The following MTF1 variants were observed in gnomAD, a reference collection of about 807,000 sequenced individuals.
MTF1 encodes MRE-binding transcription factor.
Under a neutral mutation model 70.4 loss-of-function variants are expected in MTF1, and 22 were observed. The observed-to-expected ratio is 0.31, with a 90% CI of 0.22 to 0.45. MTF1 has a LOEUF of 0.45. Ranked by LOEUF, MTF1 falls within the 20% of genes least tolerant of loss-of-function variation. MTF1 has a pLI of 1.00. For missense variants in MTF1, 649 were observed against 922.0 expected, an observed-to-expected ratio of 0.70 and a Z score of 3.83; for synonymous variants, 333 against 352.8, an observed-to-expected ratio of 0.94 and a Z score of 0.63.
intron 9 of MTF1, among the ~76,000 whole-genome samples, chr1:37,821,140 C>T (rs1277423898): frequency 2.6e-5 from 4 of 151,838 alleles, no homozygotes; most frequent in African/African-American, 9.7e-5. Context: ...CGCACCACTG[C>T]ACTCTAGCCT....
chr1:37,816,287 G>A (rs1044888388), intron 10 of MTF1, among the ~76,000 whole-genome samples: 1 of 152,152 alleles, frequency 6.6e-6, no homozygotes, highest in African/African-American at 2.4e-5. Context: ...TGTAATCCCT[G>A]TACTTTGGGA....
At chr1:37,834,417 G>A (rs1449497772) in intron 6 of MTF1, among the ~76,000 whole-genome samples, 1 of 151,126 alleles carries the variant, frequency 6.6e-6, no homozygotes, top group African/African-American at 2.4e-5. Context: ...GGGGGCGGCG[G>A]GGGTGGGGGA....
At position 37,815,188 on chromosome 1, in the gene MTF1, G is replaced by T; in HGVS notation, c.2210C>A (p.Ala737Glu). The change falls in exon 11 of 11, where the codon GCA (alanine) becomes GAA (glutamate). Residue 737 changes from alanine to glutamate, a missense_variant. Coordinates refer to ENST00000373036, the MANE Select transcript of MTF1 (RefSeq NM_005955.3). This position sits in a 1 kb window ranked among gnomAD's most constrained non-coding sequence, Gnocchi z 4.5. The stretch of plus-strand genomic sequence containing the variant: ...CATCTCCTCCTCCCCCTGCAGTAGT[G>T]CTTCAATGGGAATCAGATTGGACGG... ...DTPSNLIPIEALLQGEEEMGL... is the reference protein window; with the variant it reads ...DTPSNLIPIEELLQGEEEMGL... 6.2e-7 allele frequency: 1 copy of T among 1,614,142 alleles called. No individual in the cohort carries two copies. Among genetic ancestry groups the T allele is most frequent in the Non-Finnish European group, 8.5e-7 (1 of 1,180,032 alleles).
intron 2 of MTF1, among the ~76,000 whole-genome samples, chr1:37,843,865 C>A (rs1221706772): frequency 9.1e-6 from 1 of 110,044 alleles, no homozygotes; most frequent in Non-Finnish European, 2.1e-5. Context: ...TCCCCTCCCA[C>A]CCCTCCCCCA....
chr1:37,856,909 C>T (rs759387602), intron 2 of MTF1, among the ~76,000 whole-genome samples: 1 of 152,174 alleles, frequency 6.6e-6, no homozygotes, highest in Non-Finnish European at 1.5e-5. Context: ...GTTATTTCTT[C>T]ATCAAATAAG....
At chr1:37,830,695 T>C (rs571943327) in intron 7 of MTF1, among the ~76,000 whole-genome samples, 1 of 152,226 alleles carries the variant, frequency 6.6e-6, no homozygotes, top group Admixed American at 6.5e-5. Flanking sequence ...CTCTGGACTC[T>C]GTTACACTTC....
chr1:37,853,998 G>A (rs1641454264), intron 2 of MTF1, among the ~76,000 whole-genome samples: 1 of 152,076 alleles, frequency 6.6e-6, no homozygotes. Flanking sequence ...AAATTTCATA[G>A]GGAGATATTT....
chr1:37,846,916 A>G (rs1641340743), intron 2 of MTF1, among the ~76,000 whole-genome samples: 1 of 152,204 alleles, frequency 6.6e-6, no homozygotes, highest in Non-Finnish European at 1.5e-5. Flanking sequence ...GAACATTCTC[A>G]TAAATAAATG....
chr1:37,816,698 A>C (rs1421187889), intron 10 of MTF1, among the ~76,000 whole-genome samples: 3 of 151,618 alleles, frequency 2.0e-5, no homozygotes, highest in African/African-American at 7.3e-5. Flanking sequence ...AAAAGAAAGA[A>C]AAAAAAGAAA....
chr1:37,840,086 G>A lies in MTF1; in HGVS notation c.481C>T (p.Gln161Ter). 6.2e-7 allele frequency: 1 copy of A among 1,614,238 alleles called. No homozygotes were observed. The highest frequency in any genetic ancestry group is 8.5e-7 in the Non-Finnish European group (1 of 1,180,056). The change falls in exon 3 of 11, where the codon CAG (glutamine) becomes TAG (stop). Residue 161 changes from glutamine to a stop codon, truncating the protein, a stop_gained. Coordinates refer to ENST00000373036, the MANE Select transcript of MTF1 (RefSeq NM_005955.3). LOFTEE classifies it high-confidence loss of function. This position sits in a 1 kb window ranked among gnomAD's most constrained non-coding sequence, Gnocchi z 4.5. The stretch of plus-strand genomic sequence containing the variant: ...GTGTACTCTCCTCGGTGAGTCTTCT[G>A]GTGGGTTCGCAGGTTGCCTGCTGTG... ...YSTAGNLRTH[Q>*]KTHRGEYTFV...
At chr1:37,848,597 G>A (rs963089583) in intron 2 of MTF1, among the ~76,000 whole-genome samples, 18 of 152,148 alleles carry the variant, frequency 1.2e-4, no homozygotes, top group African/African-American at 3.9e-4. Flanking sequence ...AATTCCTATA[G>A]CACCAAGTTT....
At chr1:37,823,672 G>C (rs748431248) in intron 8 of MTF1, 38 bp downstream of exon 8, 6 of 1,454,946 alleles carry the variant, frequency 4.1e-6, no homozygotes, top group Non-Finnish European at 5.8e-6. Context: ...GTGTCAGCAA[G>C]TGCTTAGATG....
chr1:37,844,829 C>T (rs1156786157), intron 2 of MTF1, among the ~76,000 whole-genome samples: 3 of 152,214 alleles, frequency 2.0e-5, no homozygotes, highest in Non-Finnish European at 2.9e-5. Flanking sequence ...CCTCTAGGAA[C>T]TCTTCCTGAC....
At chr1:37,849,449 T>C (rs1274422258) in intron 2 of MTF1, among the ~76,000 whole-genome samples, 1 of 151,838 alleles carries the variant, frequency 6.6e-6, no homozygotes, top group African/African-American at 2.4e-5. Context: ...AAAAAATTGC[T>C]GTAACTGTGC....
Position 37,840,290 on chromosome 1 carries a change from G to A in MTF1, c.409-132C>T. The A allele has an allele frequency of 1.4e-6, 1 of 735,138 alleles. No individual in the cohort carries two copies. The highest frequency in any genetic ancestry group is 2.6e-5 in the East Asian group (1 of 38,618). 45.5% of individuals were successfully genotyped at this position (735,138 alleles called of 1,614,324 possible). ...GTTTTCATCATAAACACAGAAAACAGCCTCTAGCAGCAAAGTGGAAAAACC... is the reference window on the plus strand; with the variant it reads ...GTTTTCATCATAAACACAGAAAACAACCTCTAGCAGCAAAGTGGAAAAACC... On this transcript the variant is annotated intron_variant, in intron 2 of 10. Coordinates refer to ENST00000373036, the MANE Select transcript of MTF1 (RefSeq NM_005955.3). This position sits in a 1 kb window ranked among gnomAD's most constrained non-coding sequence, Gnocchi z 4.5.
intron 10 of MTF1, 112 bp downstream of exon 10, chr1:37,817,306 GA>G: frequency 1.4e-6 from 1 of 734,296 alleles, no homozygotes; most frequent in East Asian, 2.5e-5. Flanking sequence ...GAATTTAACT[GA>G]GGCTGTTTAA....
At position 37,857,312 on chromosome 1, in the gene MTF1, C is replaced by T; in HGVS notation, c.347G>A (p.Arg116Lys). 2 of 1,614,172 alleles carry T rather than the reference C, an allele frequency of 1.2e-6. No individual in the cohort carries two copies. Among genetic ancestry groups the T allele is most frequent in the Non-Finnish European group, 1.7e-6 (2 of 1,180,024 alleles). ...TINPGSTPMPRNIEGATLTLQ... is the reference protein window; with the variant it reads ...TINPGSTPMPKNIEGATLTLQ... The stretch of plus-strand genomic sequence containing the variant: ...AGTGAGGGTTGCACCTTCAATATTT[C>T]TTGGCATGGGTGTGGAACCAGGGTT... Residue 116 changes from arginine to lysine, a missense_variant, in exon 2 of 11, where the codon AGA (arginine) becomes AAA (lysine). By Grantham distance (26) the Arg-to-Lys change is conservative (BLOSUM62 2). This residue lies in a region of MTF1 where 118 missense variants were observed against 287.2 expected (regional missense o/e 0.41). Transcript: ENST00000373036.
intron 2 of MTF1, among the ~76,000 whole-genome samples, chr1:37,846,009 T>G (rs553608710): frequency 2.3e-4 from 35 of 152,274 alleles, no homozygotes; most frequent in African/African-American, 8.4e-4. Context: ...TCAAACTGGA[T>G]CAGAGCAGGA....
Position 37,815,021 on chromosome 1 carries a change from G to T in MTF1, c.*115C>A. On this transcript the variant is annotated 3_prime_UTR_variant, in exon 11 of 11. Coordinates refer to ENST00000373036, the MANE Select transcript of MTF1 (RefSeq NM_005955.3). The surrounding 1 kb of genome is among the most constrained non-coding windows in gnomAD (Gnocchi z 4.5). ...TAAAGAAAATACGTCTGAAAGGTGA[G>T]GATTTCAAACAGTAGATTTCTTCAT... is the stretch of plus-strand genomic sequence containing the variant. 1.2e-6 allele frequency: 1 copy of T among 807,484 alleles called. No homozygotes were observed. Among genetic ancestry groups the T allele is most frequent in the Non-Finnish European group, 2.0e-6 (1 of 509,728 alleles). The allele number at this position is 807,484 out of a possible 1,614,324, so 50.0% of individuals were successfully genotyped here.
Sources: gnomAD v4.1 joint callset for allele counts (sites outside exome capture counted in the v4.1 genomes callset) on GRCh38, gnomAD v4.1.1 for gene constraint, gnomAD v4.1.1 regional missense constraint, Gnocchi (gnomAD v3.1) non-coding constraint, MANE v1.5 for transcripts, NCBI Gene and HGNC (gene_info 2026-07-23, HGNC 2026-07-21) for gene names.